The following MTUS2 variants were observed in gnomAD, a reference collection of about 807,000 sequenced individuals.
MTUS2 encodes the protein microtubule associated scaffold protein 2, also known as microtubule-associated tumor suppressor candidate 2.
A neutral mutation model predicts 114.1 loss-of-function variants in MTUS2; 40 were observed. The observed-to-expected ratio is 0.35, with a 90% confidence interval of 0.27 to 0.46. The LOEUF (loss-of-function observed/expected upper bound fraction) is 0.46. Among genes scored for constraint, MTUS2 ranks in the 20% least tolerant of loss-of-function variants. The probability of loss-of-function intolerance (pLI) is 1.00; values close to 1 mark genes in which losing one functional copy is unlikely to be tolerated. For missense variants in MTUS2, 1,679 were observed against 1,705.4 expected, an observed-to-expected ratio of 0.98 and a Z score of 0.27; for synonymous variants, 688 against 672.0, an observed-to-expected ratio of 1.02 and a Z score of -0.37.
At chr13:28,943,253 A>G (rs995424997) in intron 2 of MTUS2, among the ~76,000 whole-genome samples, 1 of 152,336 alleles carries the variant, frequency 6.6e-6, no homozygotes, top group African/African-American at 2.4e-5. Flanking sequence ...TCTTCGGTTC[A>G]TAATTAGCAC....
chr13:29,052,465 A>G (rs1038144014), intron 4 of MTUS2, among the ~76,000 whole-genome samples: 2 of 150,080 alleles, frequency 1.3e-5, no homozygotes, highest in Admixed American at 1.3e-4. Flanking sequence ...TGAGCAAAAA[A>G]AAAAAAAAAA....
chr13:29,098,356 A>G (rs1890263363), intron 4 of MTUS2, among the ~76,000 whole-genome samples: 1 of 152,210 alleles, frequency 6.6e-6, no homozygotes. Flanking sequence ...ACCATTATAT[A>G]GTAACTTAGT....
chr13:29,424,184 A>G (rs1876335676), intron 8 of MTUS2, among the ~76,000 whole-genome samples: 1 of 152,102 alleles, frequency 6.6e-6, no homozygotes, highest in East Asian at 1.9e-4. Flanking sequence ...AATTTATTGT[A>G]TATTTCAAAA....
At chr13:29,296,530 G>A (rs1898953045) in intron 6 of MTUS2, among the ~76,000 whole-genome samples, 1 of 152,024 alleles carries the variant, frequency 6.6e-6, no homozygotes, top group Non-Finnish European at 1.5e-5. Context: ...CTTCCATACT[G>A]TTTTCCATAG....
At chr13:29,378,434 T>A (rs2138349759) in intron 8 of MTUS2, among the ~76,000 whole-genome samples, 1 of 152,260 alleles carries the variant, frequency 6.6e-6, no homozygotes. Flanking sequence ...TGATTGTGTC[T>A]GTAGCGGGCT....
At chr13:29,038,493 G>A (rs1887186000) in intron 4 of MTUS2, among the ~76,000 whole-genome samples, 1 of 152,214 alleles carries the variant, frequency 6.6e-6, no homozygotes, top group African/African-American at 2.4e-5. Context: ...GCTGGGAGGT[G>A]TCTCCCAGTC....
Position 29,202,982 on chromosome 13 carries a change from G to A in MTUS2, c.2645-78722G>A, listed in dbSNP as rs528078656. Among the ~76,000 whole-genome samples the A allele has an allele frequency of 4.2e-3, 637 of 152,316 alleles. 2 individuals are homozygous for A. The highest frequency in any genetic ancestry group is 7.2e-3 in the Non-Finnish European group (488 of 68,036). ...GGTATCTCCCAGTACAGGAGGCACG[G>A]GGGTCAGGGACCCCCTGAGGAAGCA... On this transcript the variant is annotated intron_variant, in intron 5 of 15. Transcript: ENST00000612955.
intron 4 of MTUS2, among the ~76,000 whole-genome samples, chr13:29,097,687 C>G (rs569797197): frequency 6.6e-6 from 1 of 152,294 alleles, no homozygotes; most frequent in Admixed American, 6.5e-5. Flanking sequence ...ACCATCTTCT[C>G]ATTATATCTT....
At chr13:29,426,951 A>C (rs376495832) in intron 8 of MTUS2, among the ~76,000 whole-genome samples, 4 of 152,246 alleles carry the variant, frequency 2.6e-5, no homozygotes, top group African/African-American at 9.6e-5. Flanking sequence ...TTTCTCACAG[A>C]TTTCAAAAGC....
At chr13:29,443,233 A>G (rs997192394) in intron 9 of MTUS2, among the ~76,000 whole-genome samples, 1 of 152,212 alleles carries the variant, frequency 6.6e-6, no homozygotes, top group African/African-American at 2.4e-5. Flanking sequence ...TTGAAACCAA[A>G]GATAAAAGAT....
chr13:29,410,127 CTT>C (rs35822838), intron 8 of MTUS2, among the ~76,000 whole-genome samples: 26,286 of 146,430 alleles, frequency 0.18, 3,181 homozygotes, highest in African/African-American at 0.35. Context: ...TGCTGTTGTA[CTT>C]TTTTTTTTTT....
At chr13:29,046,565 C>G (rs1887628926) in intron 4 of MTUS2, among the ~76,000 whole-genome samples, 1 of 152,240 alleles carries the variant, frequency 6.6e-6, no homozygotes, top group Non-Finnish European at 1.5e-5. Flanking sequence ...CCTGCATGTG[C>G]AAGTGTTGAT....
At chr13:29,454,434 G>A (rs1175481247) in intron 9 of MTUS2, among the ~76,000 whole-genome samples, 3 of 152,168 alleles carry the variant, frequency 2.0e-5, no homozygotes, top group Non-Finnish European at 4.4e-5. Context: ...CTGACTTTCA[G>A]GGAAATACTT....
intron 5 of MTUS2, among the ~76,000 whole-genome samples, chr13:29,186,550 A>G (rs1040933793): frequency 1.3e-5 from 2 of 152,226 alleles, no homozygotes; most frequent in Non-Finnish European, 2.9e-5. Context: ...TAAAATAATA[A>G]AAGGCTGCTC....
chr13:29,207,225 C>T (rs879322690), intron 5 of MTUS2, among the ~76,000 whole-genome samples: 11 of 152,182 alleles, frequency 7.2e-5, no homozygotes, highest in Admixed American at 1.3e-4. Context: ...TGATTGTCAG[C>T]TTGGTTGCTG....
At chr13:29,244,955 CAAAAAAAAAAA>C (rs56095961) in intron 5 of MTUS2, among the ~76,000 whole-genome samples, 22 of 60,504 alleles carry the variant, frequency 3.6e-4, no homozygotes, top group South Asian at 7.8e-4. Context: ...GACTCCGTCT[CAAAAAAAAAAA>C]AAAAAAAAAA....
At chr13:29,100,276 A>G (rs1035301274) in intron 4 of MTUS2, among the ~76,000 whole-genome samples, 7 of 152,170 alleles carry the variant, frequency 4.6e-5, no homozygotes, top group Admixed American at 1.3e-4. Context: ...CCTGCACCCA[A>G]CAGAAGGTTA....
At chr13:29,479,447 C>T (rs912773913) in intron 9 of MTUS2, among the ~76,000 whole-genome samples, 4 of 152,136 alleles carry the variant, frequency 2.6e-5, no homozygotes, top group Admixed American at 2.0e-4. Context: ...CGATGGTGGC[C>T]GCTGTCATTG....
chr13:29,173,957 G>C (rs1893665266), intron 5 of MTUS2, among the ~76,000 whole-genome samples: 1 of 151,982 alleles, frequency 6.6e-6, no homozygotes, highest in South Asian at 2.1e-4. Context: ...TGTTTAGGTG[G>C]CATTTTCCTG....
Sources: allele counts gnomAD v4.1 joint callset (sites outside exome capture counted in the v4.1 genomes callset), GRCh38; gene constraint gnomAD v4.1.1; transcripts MANE v1.5; gene names NCBI Gene and HGNC (gene_info 2026-07-23, HGNC 2026-07-21).